Variants in SORCS2 observed in about 807,000 individuals in gnomAD.
SORCS2 encodes VPS10 domain-containing receptor SorCS2.
A neutral mutation model predicts 141.6 loss-of-function variants in SORCS2; 100 were observed. The observed-to-expected ratio is 0.71, with a 90% CI of 0.60 to 0.83. The LOEUF (loss-of-function observed/expected upper bound fraction) is 0.83, where lower values mean the gene tolerates loss of function less well. Ranked by LOEUF, SORCS2 falls within the 40% of genes least tolerant of loss-of-function variation. SORCS2 has a pLI of 0.00. For synonymous variants in SORCS2, 789 were observed against 676.9 expected, an observed-to-expected ratio of 1.17 and a Z score of -2.57; for missense variants, 1,646 against 1,560.2, an observed-to-expected ratio of 1.05 and a Z score of -0.93.
intron 3 of SORCS2, among the ~76,000 whole-genome samples, chr4:7,618,721 AC>A (rs1718927547): frequency 6.7e-6 from 1 of 149,652 alleles, no homozygotes; most frequent in Non-Finnish European, 1.5e-5. Context: ...CCAGGTCACA[AC>A]CCCCACCCCA....
intron 8 of SORCS2, among the ~76,000 whole-genome samples, chr4:7,674,557 G>C (rs1275872508): frequency 1.5e-5 from 2 of 135,668 alleles, no homozygotes; most frequent in Non-Finnish European, 3.1e-5. Context: ...CTGGGCGACA[G>C]AGCGAGACTC....
chr4:7,532,259 T>C (rs1711725109), intron 3 of SORCS2, among the ~76,000 whole-genome samples: 1 of 152,164 alleles, frequency 6.6e-6, no homozygotes, highest in African/African-American at 2.4e-5. Flanking sequence ...AGCTGTCCTG[T>C]GAACCTGACT....
chr4:7,259,429 C>A (rs1304723161), intron 1 of SORCS2, among the ~76,000 whole-genome samples: 2 of 152,148 alleles, frequency 1.3e-5, no homozygotes, highest in Non-Finnish European at 2.9e-5. Flanking sequence ...ACTCTGTACT[C>A]GTAGGCCCAG....
intron 2 of SORCS2, among the ~76,000 whole-genome samples, chr4:7,485,117 G>A (rs189880156): frequency 9.7e-4 from 148 of 152,252 alleles, no homozygotes; most frequent in Middle Eastern, 3.4e-3. Context: ...CCTCCTGAGG[G>A]TCTCACTCCA....
chr4:7,734,324 T>G lies in SORCS2; in HGVS notation c.3261T>G (p.Phe1087Leu). The G allele has an allele frequency of 6.2e-7, 1 of 1,601,100 alleles. No homozygotes were observed. The highest frequency in any genetic ancestry group is 8.5e-7 in the Non-Finnish European group (1 of 1,174,564). ...GGGYWAVVVL[F>L]VIGLFAAGAF... Reference sequence around the variant, plus strand: ...GCTACTGGGCGGTAGTGGTGCTGTTTGTCATCGGGCTCTTCGCAGCGGGAG... The same window carrying G: ...GCTACTGGGCGGTAGTGGTGCTGTTGGTCATCGGGCTCTTCGCAGCGGGAG... Residue 1087 changes from phenylalanine (F) to leucine (L), a missense_variant, in exon 25 of 27, where the codon TTT (phenylalanine) becomes TTG (leucine). Physicochemically the swap from Phe to Leu is conservative, Grantham distance 22. Transcript: ENST00000507866.
In SORCS2 at chr4:7,523,618, C is replaced by T. The variant is rs1393333246; in HGVS notation, c.549-7912C>T. On this transcript the variant is annotated intron_variant, in intron 2 of 26. Transcript: ENST00000507866. ...ACCCCTTCCCTCCCTCTGCTCAGTCCACCATGAGCCGGGGCAGCAACTGAA... is the reference window on the plus strand; with the variant it reads ...ACCCCTTCCCTCCCTCTGCTCAGTCTACCATGAGCCGGGGCAGCAACTGAA... 2.0e-5 allele frequency among the ~76,000 whole-genome samples: 3 copies of T among 152,130 alleles called. 1 individual carries two copies. Among genetic ancestry groups the T allele is most frequent in the African/African-American group, 7.2e-5 (3 of 41,420 alleles).
At chr4:7,638,640 G>A (rs1720429818) in intron 4 of SORCS2, 148 bp downstream of exon 4, 2 of 814,590 alleles carry the variant, frequency 2.5e-6, no homozygotes, top group Middle Eastern at 3.4e-4. Context: ...CCGGGATGCT[G>A]GACCCCGTCA....
intron 2 of SORCS2, among the ~76,000 whole-genome samples, chr4:7,474,916 A>C (rs1730199472): frequency 6.6e-6 from 1 of 152,080 alleles, no homozygotes; most frequent in African/African-American, 2.4e-5. Context: ...TGGCCCTGGC[A>C]GTCTGTGGCT....
chr4:7,328,948 C>T (rs1413391002), intron 1 of SORCS2, among the ~76,000 whole-genome samples: 3 of 152,338 alleles, frequency 2.0e-5, no homozygotes, highest in South Asian at 2.1e-4. Flanking sequence ...AAGCACCCTC[C>T]GCAGACCGCT....
At chr4:7,278,202 C>T (rs182156440) in intron 1 of SORCS2, among the ~76,000 whole-genome samples, 1 of 151,342 alleles carries the variant, frequency 6.6e-6, no homozygotes, top group East Asian at 1.9e-4. Context: ...GTGTAAGTCC[C>T]CACCTGGTGG....
chr4:7,448,498 TC>T (rs1728152274), intron 2 of SORCS2, among the ~76,000 whole-genome samples: 2 of 145,806 alleles, frequency 1.4e-5, no homozygotes, highest in Admixed American at 1.4e-4. Flanking sequence ...TCCCTTCCTT[TC>T]CTTTCCATCT....
At chr4:7,607,940 G>T (rs1013679090) in intron 3 of SORCS2, among the ~76,000 whole-genome samples, 1 of 152,146 alleles carries the variant, frequency 6.6e-6, no homozygotes, top group African/African-American at 2.4e-5. Flanking sequence ...GTGAGTTGCG[G>T]TTCCCCTGTG....
chr4:7,501,112 C>T (rs544535278), intron 2 of SORCS2, among the ~76,000 whole-genome samples: 7 of 152,300 alleles, frequency 4.6e-5, no homozygotes, highest in East Asian at 1.9e-4. Context: ...CCTGTGAAGG[C>T]GCGGGTGAGA....
At chr4:7,437,928 AT>A (rs1727414255) in intron 2 of SORCS2, among the ~76,000 whole-genome samples, 1 of 152,008 alleles carries the variant, frequency 6.6e-6, no homozygotes, top group Non-Finnish European at 1.5e-5. Context: ...TTTGCACGTA[AT>A]TTTTTTATAA....
chr4:7,386,749 A>G (rs1560240109), intron 1 of SORCS2, among the ~76,000 whole-genome samples: 1 of 82,886 alleles, frequency 1.2e-5, no homozygotes, highest in East Asian at 4.8e-4. Flanking sequence ...ACACACATAC[A>G]GGTACACAGA....
chr4:7,601,502 C>T (rs2108792834), intron 3 of SORCS2, among the ~76,000 whole-genome samples: 1 of 150,898 alleles, frequency 6.6e-6, no homozygotes, highest in South Asian at 2.1e-4. Context: ...GCCCGTAGTC[C>T]CAGCTACTCA....
chr4:7,737,597 G>A (rs908711880), intron 26 of SORCS2, among the ~76,000 whole-genome samples: 3 of 152,136 alleles, frequency 2.0e-5, no homozygotes, highest in African/African-American at 7.2e-5. Flanking sequence ...TAGGGAGCAC[G>A]CCACACATGG....
chr4:7,474,594 G>A (rs1306337594), intron 2 of SORCS2, among the ~76,000 whole-genome samples: 2 of 152,146 alleles, frequency 1.3e-5, no homozygotes, highest in African/African-American at 4.8e-5. Context: ...GTGCTGGGTG[G>A]GCCCAGTTCG....
chr4:7,547,136 GT>G (rs1713323230), intron 3 of SORCS2, among the ~76,000 whole-genome samples: 1 of 152,128 alleles, frequency 6.6e-6, no homozygotes, highest in Non-Finnish European at 1.5e-5. Context: ...CACATGAACA[GT>G]GCCACATCTA....
Sources: gnomAD v4.1 joint callset for allele counts (sites outside exome capture counted in the v4.1 genomes callset) on GRCh38, gnomAD v4.1.1 for gene constraint, MANE v1.5 for transcripts, NCBI Gene and HGNC (gene_info 2026-07-23, HGNC 2026-07-21) for gene names.